The following GALNT2 variants were observed in gnomAD, a reference collection of about 807,000 sequenced individuals.
GALNT2 encodes the protein polypeptide N-acetylgalactosaminyltransferase 2.
GALNT2 carries 31 observed loss-of-function variants against 81.4 expected under a neutral mutation model. The observed-to-expected ratio is 0.38, with a 90% CI of 0.29 to 0.51. The LOEUF is 0.51. GALNT2 is among the 20% of genes least tolerant of loss of function. The pLI, the probability that GALNT2 is intolerant of heterozygous loss-of-function variation, is 0.87. For missense variants in GALNT2, 629 were observed against 765.7 expected (o/e 0.82, Z 2.11); for synonymous variants, 303 against 287.4 (o/e 1.05, Z -0.55).
At chr1:230,191,958 T>C (rs571962867) in intron 2 of GALNT2, among the ~76,000 whole-genome samples, 10 of 152,280 alleles carry the variant, frequency 6.6e-5, no homozygotes, top group African/African-American at 2.2e-4. Flanking sequence ...AATGGAAAGA[T>C]TTTCACACCT....
At chr1:230,082,113 C>T (rs954652408) in intron 1 of GALNT2, among the ~76,000 whole-genome samples, 3 of 152,138 alleles carry the variant, frequency 2.0e-5, no homozygotes, top group African/African-American at 7.2e-5. Flanking sequence ...GAGTGTCAGT[C>T]GGGGTGCAGA....
At chr1:230,120,143 G>A (rs1180893072) in intron 1 of GALNT2, among the ~76,000 whole-genome samples, 3 of 135,908 alleles carry the variant, frequency 2.2e-5, no homozygotes, top group African/African-American at 8.4e-5. Context: ...GTCCTCACTA[G>A]CCTCTTGCAT....
Position 230,211,483 on chromosome 1 carries a change from C to T in GALNT2, c.374+8193C>T, listed in dbSNP as rs558342934. Among the ~76,000 whole-genome samples the T allele has an allele frequency of 2.6e-5, 4 of 152,344 alleles. No individual in the cohort carries two copies. The South Asian group carries it at 8.3e-4, about 32-fold the overall frequency. ...ATTTTTTGGTATCAAGGCCCATGCT[C>T]AGCCTTTTGTGTGCATTAATTTTAT... is the stretch of plus-strand genomic sequence containing the variant. On this transcript the variant is annotated intron_variant, in intron 3 of 15. Coordinates refer to ENST00000366672, the MANE Select transcript of GALNT2 (RefSeq NM_004481.5).
At chr1:230,259,350 A>G (rs1229628031) in intron 11 of GALNT2, 1 of 152,216 alleles carries the variant, frequency 6.6e-6, no homozygotes, top group African/African-American at 2.4e-5. Flanking sequence ...AGTTAATTTA[A>G]TACAATACTT....
chr1:230,268,899 C>T (rs1211902421), intron 14 of GALNT2, among the ~76,000 whole-genome samples: 2 of 152,242 alleles, frequency 1.3e-5, no homozygotes, highest in Non-Finnish European at 2.9e-5. Context: ...ACACAGAGCG[C>T]CCATTCCTTG....
At chr1:230,131,069 C>T (rs1661351692) in intron 1 of GALNT2, among the ~76,000 whole-genome samples, 1 of 151,996 alleles carries the variant, frequency 6.6e-6, no homozygotes, top group African/African-American at 2.4e-5. Context: ...AAATCAACAA[C>T]CTAATAAACA....
chr1:230,280,573 A>C lies in GALNT2; in HGVS notation c.*1115A>C, dbSNP rs3213496. 10,532 of 154,284 alleles carry C rather than the reference A, an allele frequency of 0.068. 601 individuals are homozygous for C. Among genetic ancestry groups the C allele is most frequent in the East Asian group, 0.32 (1,652 of 5,178 alleles). 9.6% of individuals were successfully genotyped at this position (154,284 alleles called of 1,614,324 possible). ...GGCTTCATTGTGATCTGAGCCCTGC[A>C]CGCTGGGCCTTCAGAATTAATGGCC... On this transcript the variant is annotated 3_prime_UTR_variant, in exon 16 of 16. Transcript: ENST00000366672.
intron 2 of GALNT2, among the ~76,000 whole-genome samples, chr1:230,198,398 A>AC (rs199929159): frequency 0.023 from 2,964 of 131,618 alleles, 151 homozygotes; most frequent in Middle Eastern, 0.042. Context: ...CAGGGGCAGG[A>AC]CAGCAGCCCA....
At chr1:230,132,567 A>C (rs1026925192) in intron 1 of GALNT2, among the ~76,000 whole-genome samples, 1 of 152,210 alleles carries the variant, frequency 6.6e-6, no homozygotes, top group Non-Finnish European at 1.5e-5. Context: ...GCCATGAGGA[A>C]GGGACTGTAC....
intron 3 of GALNT2, among the ~76,000 whole-genome samples, chr1:230,221,767 T>C (rs988059753): frequency 6.6e-6 from 1 of 152,182 alleles, no homozygotes; most frequent in Non-Finnish European, 1.5e-5. Context: ...CCATGAATAT[T>C]GACATGTGTT....
intron 1 of GALNT2, among the ~76,000 whole-genome samples, chr1:230,074,750 C>T (rs546948487): frequency 6.6e-6 from 1 of 152,296 alleles, no homozygotes; most frequent in South Asian, 2.1e-4. Context: ...ACTCACTGTG[C>T]ATAGAAATAA....
chr1:230,195,923 G>A (rs891510454), intron 2 of GALNT2, among the ~76,000 whole-genome samples: 15 of 152,154 alleles, frequency 9.9e-5, no homozygotes, highest in Non-Finnish European at 1.0e-4. Context: ...GATAGGGGCA[G>A]GGCCTTCCTG....
intron 1 of GALNT2, among the ~76,000 whole-genome samples, chr1:230,074,998 C>A (rs557769353): frequency 1.3e-5 from 2 of 152,086 alleles, no homozygotes; most frequent in Non-Finnish European, 2.9e-5. Flanking sequence ...CCTGGGCCTC[C>A]CATGCCCCTT....
At chr1:230,089,527 C>G (rs1012670248) in intron 1 of GALNT2, among the ~76,000 whole-genome samples, 4 of 152,154 alleles carry the variant, frequency 2.6e-5, no homozygotes, top group Admixed American at 1.3e-4. Context: ...CTCTTTTCAT[C>G]TAGCAAAACT....
At chr1:230,087,926 C>T (rs1016034005) in intron 1 of GALNT2, among the ~76,000 whole-genome samples, 3 of 152,108 alleles carry the variant, frequency 2.0e-5, no homozygotes, top group East Asian at 1.9e-4. Flanking sequence ...ATAATAAAAA[C>T]GATGAACAGC....
intron 2 of GALNT2, among the ~76,000 whole-genome samples, chr1:230,198,544 G>A (rs1006276754): frequency 1.3e-5 from 2 of 152,134 alleles, no homozygotes; most frequent in African/African-American, 4.8e-5. Flanking sequence ...AGACCCTTGT[G>A]GGCCCAGTGC....
At chr1:230,262,269 A>T (rs1665899686) in intron 11 of GALNT2, 2 of 350,538 alleles carry the variant, frequency 5.7e-6, no homozygotes, top group Non-Finnish European at 1.0e-5. Context: ...TATAGACCCC[A>T]GTCCCTCCTT....
chr1:230,130,802 GT>G lies in GALNT2; in HGVS notation c.127-47413del, dbSNP rs548524070. On this transcript the variant is annotated intron_variant, in intron 1 of 15. Transcript: ENST00000366672. ...GACCATGGCTAAACCACTTTAATGA[GT>G]TTATGGGACACCAGCGAAGCTGCAA... is the stretch of plus-strand genomic sequence containing the variant. Among the ~76,000 whole-genome samples, 420 of 152,246 alleles carry G rather than the reference GT, an allele frequency of 2.8e-3. 1 individual carries two copies. The highest frequency in any genetic ancestry group is 5.8e-3 in the Admixed American group (88 of 15,300).
chr1:230,254,328 G>A (rs1665640703), intron 10 of GALNT2, among the ~76,000 whole-genome samples: 1 of 151,554 alleles, frequency 6.6e-6, no homozygotes, highest in Non-Finnish European at 1.5e-5. Flanking sequence ...GGTGTGGGTA[G>A]TGCCTAGACC....
Sources: gnomAD v4.1 joint callset for allele counts (sites outside exome capture counted in the v4.1 genomes callset) on GRCh38, gnomAD v4.1.1 for gene constraint, MANE v1.5 for transcripts, NCBI Gene and HGNC (gene_info 2026-07-23, HGNC 2026-07-21) for gene names.